The following TERB1 variants were observed in gnomAD, a reference collection of about 807,000 sequenced individuals.
TERB1 encodes the protein telomere repeat binding bouquet formation protein 1.
TERB1 carries 63 observed loss-of-function variants against 92.3 expected under a neutral mutation model. The observed-to-expected ratio is 0.68, with a 90% CI of 0.56 to 0.84. TERB1 has a LOEUF of 0.84. Among genes scored for constraint, TERB1 ranks in the 40% least tolerant of loss-of-function variants. The pLI is 0.00. For missense variants in TERB1, 709 were observed against 843.7 expected, an observed-to-expected ratio of 0.84 and a Z score of 1.98; for synonymous variants, 252 against 283.9, an observed-to-expected ratio of 0.89 and a Z score of 1.13.
intron 9 of TERB1, among the ~76,000 whole-genome samples, chr16:66,781,953 T>C (rs1238668036): frequency 2.0e-5 from 3 of 152,212 alleles, no homozygotes; most frequent in African/African-American, 4.8e-5. Flanking sequence ...CTTTAGTTAT[T>C]TATGCTTTTT....
In TERB1 at chr16:66,756,272, A is replaced by G. The variant is rs1489037399; in HGVS notation, c.1997-1109T>C. 1.3e-5 allele frequency among the ~76,000 whole-genome samples: 2 copies of G among 152,202 alleles called. 1 individual carries two copies. The highest frequency in any genetic ancestry group is 2.9e-5 in the Non-Finnish European group (2 of 68,036). On this transcript the variant is annotated intron_variant, in intron 18 of 18. Coordinates refer to ENST00000433154, the MANE Select transcript of TERB1 (RefSeq NM_001136505.2). The stretch of plus-strand genomic sequence containing the variant: ...CTTGCCCTTGCAGGCCAAGACAGCC[A>G]TTTGTTTACCTTTTCTAAGAGCCAC...
chr16:66,761,825 C>T (rs999536193), intron 16 of TERB1, among the ~76,000 whole-genome samples: 5 of 152,078 alleles, frequency 3.3e-5, no homozygotes, highest in South Asian at 4.2e-4. Flanking sequence ...GAGGCCTAGG[C>T]GGGCAGATCA....
rs141619213 is a variant in TERB1 at position 66,794,206 on chromosome 16, C to A, written c.31+2562G>T. ...CCTCAACCTCCTGGGCTCAAGGGAT[C>A]CTCCCACCTCAGCCTCCCAAGTAGC... On this transcript the variant is annotated intron_variant, in intron 3 of 18. Transcript: ENST00000433154. Among the ~76,000 whole-genome samples the A allele has an allele frequency of 2.3e-3, 353 of 151,858 alleles. 2 individuals carry two copies. Among genetic ancestry groups the A allele is most frequent in the Non-Finnish European group, 3.6e-3 (244 of 67,882 alleles).
rs1242347150 is a variant in TERB1, at chr16:66,770,289, G to A, written c.1293C>T (p.Asn431=). The change falls in exon 14 of 19, where the codon AAC becomes AAT. Residue 431 remains asparagine, a synonymous_variant. Coordinates refer to ENST00000433154, the MANE Select transcript of TERB1 (RefSeq NM_001136505.2). ...EGNEEEIQRE[N]YQDNISSMNI... ...TCATAGATGAAATATTATCCTGATA[G>A]TTTTCTCTTTGTATTTCTTCCTATA... 1.3e-6 allele frequency: 2 copies of A among 1,542,870 alleles called. No individual in the cohort carries two copies. The highest frequency in any genetic ancestry group is 1.8e-6 in the Non-Finnish European group (2 of 1,141,590).
chr16:66,756,184 G>T (rs1390838072), intron 18 of TERB1, among the ~76,000 whole-genome samples: 6 of 152,182 alleles, frequency 3.9e-5, no homozygotes, highest in Admixed American at 3.3e-4. Flanking sequence ...TGTATTTCCA[G>T]TTGAGGCTGT....
intron 2 of TERB1, among the ~76,000 whole-genome samples, chr16:66,798,382 A>G (rs1959211428): frequency 6.6e-6 from 1 of 152,088 alleles, no homozygotes; most frequent in African/African-American, 2.4e-5. Context: ...GGATTTTGCT[A>G]TGTTGCCCAG....
intron 3 of TERB1, among the ~76,000 whole-genome samples, chr16:66,794,914 A>AC (rs1316374992): frequency 3.0e-3 from 249 of 82,838 alleles, no homozygotes; most frequent in Middle Eastern, 7.5e-3. Context: ...CGTCTCAAAA[A>AC]AAAAAAAAAC....
chr16:66,767,173 CAAA>C (rs879545796), intron 16 of TERB1, among the ~76,000 whole-genome samples: 1 of 95,228 alleles, frequency 1.1e-5, no homozygotes, highest in African/African-American at 3.7e-5. Context: ...CGAAAAAATA[CAAA>C]AAAAAAAAAA....
chr16:66,785,889 G>A lies in TERB1; in HGVS notation c.597C>T (p.Cys199=). Residue 199 remains cysteine (C), a synonymous_variant, in exon 9 of 19, where the codon TGC becomes TGT. Coordinates refer to ENST00000433154, the MANE Select transcript of TERB1 (RefSeq NM_001136505.2). ...NPQNDENQMF[C]CSLFPHANEW... is the part of the protein sequence containing the mutation. ...CATTAGCATGTGGAAAAAGGGAACA[G>A]CAAAACATTTGATTCTCATCTGAAA... 3 of 1,545,990 alleles carry A rather than the reference G, an allele frequency of 1.9e-6. No homozygotes were observed. The highest frequency in any genetic ancestry group is 2.6e-6 in the Non-Finnish European group (3 of 1,144,728).
rs368478114 is a variant in TERB1 at position 66,765,656 on chromosome 16, C to G, written c.1780+1759G>C. Reference sequence around the variant, plus strand: ...GTATTTTAGTAGAGACGGGGTTTCACCGTGTTGACCAGGCTGGTCTTGAAC... The same window carrying G: ...GTATTTTAGTAGAGACGGGGTTTCAGCGTGTTGACCAGGCTGGTCTTGAAC... On this transcript the variant is annotated intron_variant, in intron 16 of 18. Coordinates refer to ENST00000433154, the MANE Select transcript of TERB1 (RefSeq NM_001136505.2). Among the ~76,000 whole-genome samples the G allele has an allele frequency of 1.8e-4, 28 of 151,530 alleles. No homozygotes were observed. The East Asian group carries it at 3.1e-3, about 17-fold the overall frequency.
chr16:66,759,769 G>A (rs563164974), intron 16 of TERB1, among the ~76,000 whole-genome samples: 1,761 of 134,550 alleles, frequency 0.013, 37 homozygotes, highest in South Asian at 0.08. Context: ...CTGTACTCCA[G>A]CCTGGGCGAC....
chr16:66,794,693 A>G (rs1400619938), intron 3 of TERB1, among the ~76,000 whole-genome samples: 3 of 151,980 alleles, frequency 2.0e-5, no homozygotes, highest in Admixed American at 6.6e-5. Context: ...GGTGGATCAC[A>G]AGGTCAGGAG....
intron 14 of TERB1, among the ~76,000 whole-genome samples, chr16:66,768,427 A>G (rs2018386964): frequency 6.6e-6 from 1 of 152,198 alleles, no homozygotes; most frequent in African/African-American, 2.4e-5. Flanking sequence ...AAAGATTATA[A>G]AAAGAAGGAA....
intron 3 of TERB1, among the ~76,000 whole-genome samples, chr16:66,794,916 A>ACACAC (rs1182336404): frequency 4.9e-4 from 45 of 91,072 alleles, no homozygotes; most frequent in African/African-American, 1.2e-3. Context: ...TCTCAAAAAA[A>ACACAC]AAAAAAACAC....
intron 9 of TERB1, among the ~76,000 whole-genome samples, chr16:66,780,517 C>T (rs1473332619): frequency 6.6e-6 from 1 of 151,896 alleles, no homozygotes; most frequent in Non-Finnish European, 1.5e-5. Context: ...CTGCAGTGAC[C>T]CATGATTGTG....
At chr16:66,787,616 G>A (rs2018750968) in intron 6 of TERB1, among the ~76,000 whole-genome samples, 1 of 152,046 alleles carries the variant, frequency 6.6e-6, no homozygotes, top group Admixed American at 6.6e-5. Flanking sequence ...GTAACTAAAT[G>A]GTCAATTCAG....
At chr16:66,758,568 C>A in intron 18 of TERB1, 1 of 432,356 alleles carries the variant, frequency 2.3e-6, no homozygotes, top group Non-Finnish European at 4.1e-6. Flanking sequence ...TGGTGAAACC[C>A]CATCTCTACT....
At chr16:66,787,604 C>T (rs2018750833) in intron 6 of TERB1, among the ~76,000 whole-genome samples, 2 of 152,192 alleles carry the variant, frequency 1.3e-5, no homozygotes, top group African/African-American at 4.8e-5. Flanking sequence ...ACCGTAAACA[C>T]TGTAACTAAA....
chr16:66,763,981 T>C (rs879685880), intron 16 of TERB1, among the ~76,000 whole-genome samples: 1 of 152,164 alleles, frequency 6.6e-6, no homozygotes, highest in East Asian at 1.9e-4. Context: ...GACACTCTAA[T>C]ATGGCTAGAG....
Sources: allele counts gnomAD v4.1 joint callset (sites outside exome capture counted in the v4.1 genomes callset), GRCh38; gene constraint gnomAD v4.1.1; transcripts MANE v1.5; gene names NCBI Gene and HGNC (gene_info 2026-07-23, HGNC 2026-07-21).